ASH2L: variants seen among roughly 807,000 people sequenced by gnomAD.
ASH2L encodes set1/Ash2 histone methyltransferase complex subunit ASH2.
In ASH2L, 30 loss-of-function variants were observed where a neutral mutation model predicts 81.1. The observed-to-expected ratio is 0.37, with a 90% CI of 0.28 to 0.50. The LOEUF is 0.50. ASH2L is among the 20% of genes least tolerant of loss of function. ASH2L has a pLI of 0.95. For missense variants in ASH2L, 559 were observed against 792.1 expected, an observed-to-expected ratio of 0.71 and a Z score of 3.53; for synonymous variants, 273 against 279.9, an observed-to-expected ratio of 0.98 and a Z score of 0.24.
chr8:38,119,518 G>T (rs1811047298), intron 9 of ASH2L, among the ~76,000 whole-genome samples, 155 bp downstream of exon 9: 1 of 152,090 alleles, frequency 6.6e-6, no homozygotes, highest in Non-Finnish European at 1.5e-5. Flanking sequence ...ATAACCCCAG[G>T]TTGGAGGCCA....
At chr8:38,116,602 T>C (rs770108024) in intron 7 of ASH2L, 48 bp from the exon 8 acceptor site, 10 of 1,416,612 alleles carry the variant, frequency 7.1e-6, no homozygotes, top group South Asian at 2.4e-5. Context: ...AGCATCCAGA[T>C]TGACTGACTT....
intron 3 of ASH2L, 130 bp downstream of exon 3, chr8:38,107,296 G>A: frequency 8.4e-7 from 1 of 1,183,646 alleles, no homozygotes; most frequent in Non-Finnish European, 1.2e-6. Context: ...CAGCAAGTAG[G>A]ATGTTGAATC....
chr8:38,133,201 A>G (rs944268548), intron 12 of ASH2L, among the ~76,000 whole-genome samples: 1 of 152,182 alleles, frequency 6.6e-6, no homozygotes, highest in Non-Finnish European at 1.5e-5. Flanking sequence ...TTATTGTGGT[A>G]AGCATGTATG....
chr8:38,120,964 C>G lies in ASH2L; in HGVS notation c.980C>G (p.Pro327Arg). 1.2e-6 allele frequency: 2 copies of G among 1,613,718 alleles called. No homozygotes were observed. Among genetic ancestry groups the G allele is most frequent in the Non-Finnish European group, 1.7e-6 (2 of 1,179,956 alleles). The change falls in exon 10 of 16, where the codon CCT becomes CGT. Residue 327 changes from proline to arginine, a missense_variant. Transcript: ENST00000343823. ...DPLFSAQRLPPHGYPLEHPFN... is the reference protein window; with the variant it reads ...DPLFSAQRLPRHGYPLEHPFN... ...TTGTTTTCTGCTCAGCGCCTTCCCC[C>G]TCATGGCTACCCATTGGAACACCCG...
At chr8:38,107,258 G>A (rs1810477099) in intron 3 of ASH2L, 92 bp downstream of exon 3, 1 of 1,522,706 alleles carries the variant, frequency 6.6e-7, no homozygotes, top group African/African-American at 1.4e-5. Flanking sequence ...TAAATGCAAA[G>A]TATTTCCTAT....
At chr8:38,136,102 ATTTTTTTTTTT>A (rs772313591) in intron 14 of ASH2L, among the ~76,000 whole-genome samples, 4 of 97,862 alleles carry the variant, frequency 4.1e-5, no homozygotes, top group Non-Finnish European at 8.3e-5. Flanking sequence ...GCTTACAATG[ATTTTTTTTTTT>A]TTTTTTTTTT....
At chr8:38,121,692 A>G (rs1480546404) in intron 10 of ASH2L, among the ~76,000 whole-genome samples, 1 of 152,080 alleles carries the variant, frequency 6.6e-6, no homozygotes, top group Non-Finnish European at 1.5e-5. Context: ...ATTTTGTTGA[A>G]TATTCCTCAG....
At chr8:38,136,056 G>A (rs978358310) in intron 14 of ASH2L, among the ~76,000 whole-genome samples, 1 of 151,520 alleles carries the variant, frequency 6.6e-6, no homozygotes, top group African/African-American at 2.4e-5. Context: ...AATCCTCCTG[G>A]GATGTCATGA....
chr8:38,113,695 T>G (rs1810779442), intron 5 of ASH2L, among the ~76,000 whole-genome samples: 1 of 152,208 alleles, frequency 6.6e-6, no homozygotes, highest in African/African-American at 2.4e-5. Context: ...ACTCTTAATG[T>G]GTCTAGCTTA....
intron 13 of ASH2L, among the ~76,000 whole-genome samples, chr8:38,134,337 G>A (rs1311967357): frequency 6.6e-6 from 1 of 151,768 alleles, no homozygotes; most frequent in Non-Finnish European, 1.5e-5. Flanking sequence ...AAAAAAAATA[G>A]TGGCCTGTTG....
intron 10 of ASH2L, chr8:38,124,676 A>C (rs1327550594): frequency 2.0e-5 from 3 of 152,234 alleles, no homozygotes; most frequent in Non-Finnish European, 4.4e-5. Flanking sequence ...TTTCTGTGGA[A>C]GTCATGGGGT....
intron 10 of ASH2L, among the ~76,000 whole-genome samples, chr8:38,126,644 G>A (rs370239133): frequency 3.6e-4 from 55 of 151,416 alleles, no homozygotes; most frequent in Non-Finnish European, 6.9e-4. Context: ...CACGAGGTCA[G>A]GAGATCAAGA....
At chr8:38,119,390 C>G (rs747055494) in intron 9 of ASH2L, 27 bp downstream of exon 9, 3 of 1,485,594 alleles carry the variant, frequency 2.0e-6, no homozygotes, top group Non-Finnish European at 2.7e-6. Context: ...CCCTGCCCCC[C>G]TCACTATTTA....
intron 12 of ASH2L, among the ~76,000 whole-genome samples, chr8:38,129,388 T>G (rs989281045): frequency 2.6e-5 from 4 of 152,158 alleles, no homozygotes; most frequent in African/African-American, 9.7e-5. Context: ...CCCAACAATT[T>G]GGGAAGCCAA....
intron 14 of ASH2L, among the ~76,000 whole-genome samples, chr8:38,136,331 A>G (rs1457011353): frequency 6.6e-6 from 1 of 150,378 alleles, no homozygotes; most frequent in Non-Finnish European, 1.5e-5. Flanking sequence ...CAGCCTCCCA[A>G]AGTGCTGGGA....
intron 5 of ASH2L, among the ~76,000 whole-genome samples, chr8:38,111,892 A>G (rs767893239): frequency 3.8e-4 from 58 of 152,198 alleles, no homozygotes; most frequent in Admixed American, 9.2e-4. Context: ...GTAGTTTCTC[A>G]GGATTATTTT....
rs1283949437 is a variant in ASH2L, at chr8:38,107,169, G to A, written c.401+3G>A. 6.2e-7 allele frequency: 1 copy of A among 1,613,616 alleles called. No homozygotes were observed. Among genetic ancestry groups the A allele is most frequent in the African/African-American group, 1.3e-5 (1 of 74,902 alleles). On this transcript the variant is annotated splice_donor_region_variant and intron_variant, in intron 3 of 15. Transcript: ENST00000343823. ...GACACATTTGGCATAGATACCTCGT[G>A]AGTACTTTTCATAGTTTTTGTGAGA...
intron 9 of ASH2L, 66 bp from the exon 10 acceptor site, chr8:38,120,866 C>T: frequency 7.4e-7 from 1 of 1,357,094 alleles, no homozygotes; most frequent in Non-Finnish European, 1.0e-6. Context: ...GCCTTTCTTA[C>T]ACAGTTGAAT....
At chr8:38,111,492 A>G (rs1810678712) in intron 5 of ASH2L, among the ~76,000 whole-genome samples, 1 of 151,908 alleles carries the variant, frequency 6.6e-6, no homozygotes, top group Non-Finnish European at 1.5e-5. Context: ...GGCTCAGGTG[A>G]TCCTCCCACC....
Sources: allele counts gnomAD v4.1 joint callset (sites outside exome capture counted in the v4.1 genomes callset), GRCh38; gene constraint gnomAD v4.1.1; transcripts MANE v1.5; gene names NCBI Gene and HGNC (gene_info 2026-07-23, HGNC 2026-07-21).